Variants in ZNF398 observed in about 807,000 individuals in gnomAD.
ZNF398 encodes zinc finger protein 398, also known as zinc finger DNA binding protein ZER6.
In ZNF398, 18 loss-of-function variants were observed where a neutral mutation model predicts 41.9. That is an observed-to-expected ratio of 0.43 (90% confidence interval 0.30 to 0.64). The LOEUF (loss-of-function observed/expected upper bound fraction) is 0.64, where lower values mean the gene tolerates loss of function less well. ZNF398 is among the 30% of genes least tolerant of loss of function. The probability of loss-of-function intolerance (pLI) is 0.14; values close to 1 mark genes in which losing one functional copy is unlikely to be tolerated. For missense variants in ZNF398, 669 were observed against 822.8 expected, an observed-to-expected ratio of 0.81 and a Z score of 2.29; for synonymous variants, 260 against 308.8, an observed-to-expected ratio of 0.84 and a Z score of 1.66.
At chr7:149,171,429 C>T (rs1015866799) in intron 4 of ZNF398, among the ~76,000 whole-genome samples, 11 of 150,550 alleles carry the variant, frequency 7.3e-5, no homozygotes, top group Middle Eastern at 3.6e-3. Context: ...ATTGCAGTGG[C>T]GCAGTCTCCG....
At chr7:149,157,413 T>TA (rs1795004388) in intron 2 of ZNF398, among the ~76,000 whole-genome samples, 1 of 151,436 alleles carries the variant, frequency 6.6e-6, no homozygotes, top group African/African-American at 2.4e-5. Context: ...CGAGCGTCTG[T>TA]AGTCCCAGCT....
chr7:149,149,138 T>A lies in ZNF398; in HGVS notation c.24+1372T>A, dbSNP rs539075761. Reference sequence around the variant, plus strand: ...CACCGCGTCTCTAAAATAAAAAAAATTTTTGAGAAGTTAAAAAATAAATAG... The same window carrying A: ...CACCGCGTCTCTAAAATAAAAAAAAATTTTGAGAAGTTAAAAAATAAATAG... On this transcript the variant is annotated intron_variant, in intron 1 of 5. Transcript: ENST00000475153. Among the ~76,000 whole-genome samples, 201 of 152,018 alleles carry A rather than the reference T, an allele frequency of 1.3e-3. 1 individual carries two copies. The highest frequency in any genetic ancestry group is 4.4e-3 in the Admixed American group (67 of 15,246).
intron 5 of ZNF398, 21 bp downstream of exon 5, chr7:149,176,602 G>A (rs1438681670): frequency 6.6e-7 from 1 of 1,517,352 alleles, no homozygotes; most frequent in Non-Finnish European, 9.0e-7. Flanking sequence ...AATTAAAGAG[G>A]TGTTCATGTC....
chr7:149,149,228 A>T (rs569133948), intron 1 of ZNF398, among the ~76,000 whole-genome samples: 15 of 151,948 alleles, frequency 9.9e-5, no homozygotes, highest in South Asian at 6.2e-4. Flanking sequence ...ACATGTCATC[A>T]ATTTATTTAT....
Position 149,182,676 on chromosome 7 carries a change from A to G in ZNF398, c.*2875A>G, listed in dbSNP as rs1255533427. On this transcript the variant is annotated 3_prime_UTR_variant, in exon 6 of 6. Transcript: ENST00000475153. Reference sequence around the variant, plus strand: ...AGCACCATTCCCTTAGAGTGGATCCAGGTGTTGACTATAACCAGATTTACT... The same window carrying G: ...AGCACCATTCCCTTAGAGTGGATCCGGGTGTTGACTATAACCAGATTTACT... 1 of 152,240 alleles carries G rather than the reference A, an allele frequency of 6.6e-6. No individual in the cohort carries two copies. The highest frequency in any genetic ancestry group is 1.5e-5 in the Non-Finnish European group (1 of 68,048). 9.4% of individuals were successfully genotyped at this position (152,240 alleles called of 1,614,324 possible).
chr7:149,138,342 G>A (rs1420915573), intron 2 of ZNF398, among the ~76,000 whole-genome samples: 2 of 152,174 alleles, frequency 1.3e-5, no homozygotes, highest in Non-Finnish European at 2.9e-5. Context: ...CACTTTGGGA[G>A]GCCGAGGTGG....
upstream of ZNF398, among the ~76,000 whole-genome samples, chr7:149,146,253 C>T (rs926824543): frequency 5.3e-5 from 8 of 152,176 alleles, no homozygotes; most frequent in Non-Finnish European, 1.2e-4. Context: ...CTCGCAGGTC[C>T]TTTTGCTCAG....
intron 2 of ZNF398, among the ~76,000 whole-genome samples, chr7:149,165,872 C>G (rs915543831): frequency 6.6e-6 from 1 of 152,168 alleles, no homozygotes; most frequent in Admixed American, 6.5e-5. Flanking sequence ...TTTTAACATA[C>G]ATGGTATTTA....
exon 1 of ZNF398, chr7:149,126,602 A>T (rs1826483584): frequency 6.5e-6 from 2 of 307,962 alleles, no homozygotes; most frequent in Non-Finnish European, 1.2e-5. Flanking sequence ...GAGAGTAGGG[A>T]CAGCGACTGG....
chr7:149,162,612 G>A (rs897119436), intron 2 of ZNF398, among the ~76,000 whole-genome samples: 3 of 152,188 alleles, frequency 2.0e-5, no homozygotes, highest in Admixed American at 1.3e-4. Context: ...TTACAGGCAT[G>A]AGCCAGTGCA....
chr7:149,155,700 TATA>T (rs1285386024), intron 2 of ZNF398, among the ~76,000 whole-genome samples: 87 of 56,130 alleles, frequency 1.5e-3, no homozygotes, highest in Middle Eastern at 9.4e-3. Flanking sequence ...TATATATATA[TATA>T]TATATTTTTT....
At chr7:149,173,044 C>A (rs1018332702) in intron 4 of ZNF398, among the ~76,000 whole-genome samples, 1 of 149,702 alleles carries the variant, frequency 6.7e-6, no homozygotes, top group Admixed American at 6.7e-5. Flanking sequence ...TGGCTGCTGA[C>A]TAATCCGGGT....
intron 2 of ZNF398, among the ~76,000 whole-genome samples, chr7:149,130,550 CA>C: frequency 6.6e-6 from 1 of 152,280 alleles, no homozygotes; most frequent in South Asian, 2.1e-4. Flanking sequence ...AAGGAACTAG[CA>C]AACCATTTTT....
At chr7:149,131,970 TCTA>T (rs1826603841) in intron 2 of ZNF398, among the ~76,000 whole-genome samples, 1 of 152,182 alleles carries the variant, frequency 6.6e-6, no homozygotes, top group Non-Finnish European at 1.5e-5. Context: ...CATCCAGTCC[TCTA>T]CTAGACGTTT....
rs1795527915 is a variant in ZNF398, at chr7:149,178,885, T to C, written c.1013T>C (p.Val338Ala). Residue 338 changes from valine (V) to alanine (A), a missense_variant, in exon 6 of 6, where the codon GTT becomes GCT. Around this residue, in one of 3 missense-constraint regions of ZNF398, gnomAD observed 290 missense variants for 292.9 expected, o/e 0.99. Coordinates refer to ENST00000475153, the MANE Select transcript of ZNF398 (RefSeq NM_170686.3). ...GGTAGCTATCCCCTCCCACCTCCAG[T>C]TGGCGAGCAGGTGTTCTCATGCCAC... ...QLGSYPLPPPVGEQVFSCHHC... is the reference protein window; with the variant it reads ...QLGSYPLPPPAGEQVFSCHHC... 3 of 1,614,138 alleles carry C rather than the reference T, an allele frequency of 1.9e-6. No individual in the cohort carries two copies. In the African/African-American group the frequency reaches 4.0e-5, roughly 22 times the overall value.
chr7:149,178,007 C>A (rs762016904), intron 5 of ZNF398, among the ~76,000 whole-genome samples: 1 of 151,126 alleles, frequency 6.6e-6, no homozygotes, highest in Non-Finnish European at 1.5e-5. Flanking sequence ...ATTACCTGAG[C>A]ACAGCTGGAC....
rs1563159522 is a variant in ZNF398, at chr7:149,155,719, T to TA, written c.420+1379_420+1380insA. Among the ~76,000 whole-genome samples, 193 of 37,566 alleles carry TA rather than the reference T, an allele frequency of 5.1e-3. 5 individuals carry two copies. The highest frequency in any genetic ancestry group is 9.5e-3 in the African/African-American group (170 of 17,854). The allele number at this position is 37,566 out of a possible 152,430, so 24.6% of individuals were successfully genotyped here. A position where few individuals can be genotyped will look rare whatever the true frequency, so the allele number is the denominator to read the frequency against. On this transcript the variant is annotated intron_variant, in intron 2 of 5. Coordinates refer to ENST00000475153, the MANE Select transcript of ZNF398 (RefSeq NM_170686.3). Reference sequence around the variant, plus strand: ...TATATATATATATATTTTTTTTTTTTTTTTTTTTTTAATTTTTTTTTTTTT... The same window carrying TA: ...TATATATATATATATTTTTTTTTTTTATTTTTTTTTTAATTTTTTTTTTTTT...
At chr7:149,160,442 A>C (rs183024759) in intron 2 of ZNF398, among the ~76,000 whole-genome samples, 29 of 152,306 alleles carry the variant, frequency 1.9e-4, no homozygotes, top group Admixed American at 7.2e-4. Context: ...CATTCCCTAC[A>C]TGCAGTCTTA....
chr7:149,158,554 G>A (rs563418798), intron 2 of ZNF398, among the ~76,000 whole-genome samples: 31 of 152,174 alleles, frequency 2.0e-4, no homozygotes, highest in African/African-American at 7.0e-4. Context: ...AGTATTCATG[G>A]CCTGGCGTGG....
Sources: allele counts gnomAD v4.1 joint callset (sites outside exome capture counted in the v4.1 genomes callset), GRCh38; gene constraint gnomAD v4.1.1; regional missense constraint gnomAD v4.1.1; transcripts MANE v1.5; gene names NCBI Gene and HGNC (gene_info 2026-07-23, HGNC 2026-07-21).